FGF2: variants seen among roughly 807,000 people sequenced by gnomAD.
The protein encoded by FGF2 is basic fibroblast growth factor bFGF.
FGF2 carries 13 observed loss-of-function variants against 15.9 expected under a neutral mutation model. The ratio of observed to expected loss-of-function variants is 0.82; its 90% CI spans 0.53 to 1.30. FGF2 has a LOEUF of 1.30. FGF2 is among the 50% of genes most tolerant of loss of function. FGF2 has a pLI of 0.00. For missense variants in FGF2, 163 were observed against 196.9 expected (o/e 0.83, Z 1.03); for synonymous variants, 90 against 78.4 (o/e 1.15, Z -0.78).
chr4:122,857,997 A>G (rs1296573390), intron 1 of FGF2, among the ~76,000 whole-genome samples: 2 of 152,204 alleles, frequency 1.3e-5, no homozygotes, highest in Non-Finnish European at 2.9e-5. Context: ...ATTGGGTAGT[A>G]ATGAAGGAAT....
intron 1 of FGF2, among the ~76,000 whole-genome samples, chr4:122,850,284 G>A (rs1353985568): frequency 6.6e-6 from 1 of 151,428 alleles, no homozygotes; most frequent in Non-Finnish European, 1.5e-5. Flanking sequence ...AAAAAAAAAA[G>A]ATACAGTAAA....
chr4:122,827,325 G>T lies in FGF2; in HGVS notation c.151G>T (p.Gly51Trp). 5.6e-6 allele frequency: 9 copies of T among 1,612,958 alleles called. No individual in the cohort carries two copies. Among genetic ancestry groups the T allele is most frequent in the Non-Finnish European group, 7.6e-6 (9 of 1,179,882 alleles). ...LRIHPDGRVD[G>W]VREKSDPHIK... is the part of the protein sequence containing the mutation. ...CATCCACCCCGACGGCCGAGTTGACGGGGTCCGGGAGAAGAGCGACCCTCA... is the reference window on the plus strand; with the variant it reads ...CATCCACCCCGACGGCCGAGTTGACTGGGTCCGGGAGAAGAGCGACCCTCA... The change falls in exon 1 of 3, where the codon GGG (glycine) becomes TGG (tryptophan). Residue 51 changes from glycine (G) to tryptophan (W), a missense_variant. Transcript: ENST00000644866. This position sits in a 1 kb window ranked among gnomAD's most constrained non-coding sequence, Gnocchi z 4.2.
chr4:122,860,004 A>G (rs1292597233), intron 1 of FGF2, among the ~76,000 whole-genome samples: 1 of 152,144 alleles, frequency 6.6e-6, no homozygotes, highest in Non-Finnish European at 1.5e-5. Flanking sequence ...TTTGGTTTCT[A>G]ACTCCTGGTT....
intron 1 of FGF2, among the ~76,000 whole-genome samples, chr4:122,866,354 C>T (rs547624299): frequency 2.1e-5 from 3 of 140,760 alleles, no homozygotes; most frequent in African/African-American, 5.1e-5. Context: ...GGTGAAAGAG[C>T]GAGACTCCGT....
chr4:122,885,920 T>C (rs1282542028), intron 2 of FGF2, among the ~76,000 whole-genome samples: 2 of 99,334 alleles, frequency 2.0e-5, no homozygotes, highest in Admixed American at 1.0e-4. Context: ...TTCCTTTTTT[T>C]TTTTTTTTTT....
intron 1 of FGF2, among the ~76,000 whole-genome samples, chr4:122,865,265 TTC>T (rs1317663853): frequency 2.0e-5 from 3 of 148,936 alleles, no homozygotes; most frequent in African/African-American, 4.8e-5. Flanking sequence ...GTGATTTATT[TTC>T]TCTGTTTTTT....
At chr4:122,863,910 A>G (rs1726521504) in intron 1 of FGF2, among the ~76,000 whole-genome samples, 1 of 152,170 alleles carries the variant, frequency 6.6e-6, no homozygotes, top group South Asian at 2.1e-4. Context: ...AGGCCTTTCA[A>G]CTGATTGAAA....
chr4:122,839,974 T>C (rs570002054), intron 1 of FGF2, among the ~76,000 whole-genome samples: 17 of 152,342 alleles, frequency 1.1e-4, no homozygotes, highest in African/African-American at 3.6e-4. Flanking sequence ...TCTAGCTGCC[T>C]CTTCACAAGA....
At chr4:122,839,556 C>G (rs1663055577) in intron 1 of FGF2, among the ~76,000 whole-genome samples, 1 of 152,204 alleles carries the variant, frequency 6.6e-6, no homozygotes, top group Non-Finnish European at 1.5e-5. Flanking sequence ...AAAAATTAAA[C>G]TCCTCTTTCC....
chr4:122,833,138 TG>T (rs1251527863), intron 1 of FGF2, among the ~76,000 whole-genome samples: 8 of 152,188 alleles, frequency 5.3e-5, no homozygotes, highest in African/African-American at 1.9e-4. Context: ...ACTTGACCGG[TG>T]TATCTTTGAT....
At chr4:122,844,392 A>G (rs1726056995) in intron 1 of FGF2, among the ~76,000 whole-genome samples, 1 of 152,150 alleles carries the variant, frequency 6.6e-6, no homozygotes, top group South Asian at 2.1e-4. Context: ...AACCCCCTCA[A>G]AGTCATCATG....
At chr4:122,887,470 G>A (rs574118644) in intron 2 of FGF2, among the ~76,000 whole-genome samples, 17 of 152,142 alleles carry the variant, frequency 1.1e-4, no homozygotes, top group African/African-American at 4.1e-4. Flanking sequence ...CATGGCTCCC[G>A]CCATCTCCTG....
chr4:122,841,653 C>T (rs1725986253), intron 1 of FGF2, among the ~76,000 whole-genome samples: 1 of 152,130 alleles, frequency 6.6e-6, no homozygotes, highest in African/African-American at 2.4e-5. Context: ...TAATAGACAG[C>T]TGATCCTATT....
At chr4:122,866,367 C>A (rs376037834) in intron 1 of FGF2, among the ~76,000 whole-genome samples, 150 of 132,112 alleles carry the variant, frequency 1.1e-3, no homozygotes, top group Non-Finnish European at 1.4e-3. Flanking sequence ...GACTCCGTCT[C>A]AAAAAAAAAA....
chr4:122,890,059 C>T (rs950657217), intron 2 of FGF2: 10 of 152,056 alleles, frequency 6.6e-5, no homozygotes, highest in African/African-American at 2.2e-4. Context: ...CTTTGTTTCC[C>T]TTCTGCTTCT....
At chr4:122,887,930 C>A (rs1727092145) in intron 2 of FGF2, among the ~76,000 whole-genome samples, 1 of 152,010 alleles carries the variant, frequency 6.6e-6, no homozygotes, top group Admixed American at 6.6e-5. Context: ...TAAATTAGTA[C>A]TTTTTAATTT....
At chr4:122,872,113 G>A (rs1277037679) in intron 1 of FGF2, among the ~76,000 whole-genome samples, 2 of 151,724 alleles carry the variant, frequency 1.3e-5, no homozygotes, top group Non-Finnish European at 2.9e-5. Context: ...ATGCAAAGAC[G>A]CTAAGAACCT....
At chr4:122,872,229 C>T (rs1277602483) in intron 1 of FGF2, among the ~76,000 whole-genome samples, 1 of 152,068 alleles carries the variant, frequency 6.6e-6, no homozygotes, top group Non-Finnish European at 1.5e-5. Flanking sequence ...GTGAAGCATA[C>T]ACAAGTATCA....
chr4:122,888,131 C>T (rs999834083), intron 2 of FGF2, among the ~76,000 whole-genome samples: 9 of 152,272 alleles, frequency 5.9e-5, no homozygotes, highest in Admixed American at 3.9e-4. Context: ...CCCTCCCCAC[C>T]GCATTTGATG....
Sources: allele counts gnomAD v4.1 joint callset (sites outside exome capture counted in the v4.1 genomes callset), GRCh38; gene constraint gnomAD v4.1.1; non-coding constraint Gnocchi (gnomAD v3.1); transcripts MANE v1.5; gene names NCBI Gene and HGNC (gene_info 2026-07-23, HGNC 2026-07-21).